MDGA2: variants seen among roughly 807,000 people sequenced by gnomAD.
MDGA2 encodes MAM domain containing glycosylphosphatidylinositol anchor 2, also known as MAM domain-containing glycosylphosphatidylinositol anchor protein 2.
In MDGA2, 40 loss-of-function variants were observed where a neutral mutation model predicts 117.8. The ratio of observed to expected loss-of-function variants is 0.34; its 90% CI spans 0.26 to 0.44. The LOEUF (loss-of-function observed/expected upper bound fraction) is 0.44. MDGA2 is among the 20% of genes least tolerant of loss of function. MDGA2 has a pLI of 1.00. For missense variants in MDGA2, 1,123 were observed against 1,250.6 expected (o/e 0.90, Z 1.54); for synonymous variants, 452 against 439.0 (o/e 1.03, Z -0.37).
At position 46,947,834 on chromosome 14, in the gene MDGA2, AT is replaced by A. The variant is rs763148672; in HGVS notation, c.2089+9539del. On this transcript the variant is annotated intron_variant, in intron 9 of 16. Coordinates refer to ENST00000399232, the MANE Select transcript of MDGA2 (RefSeq NM_001113498.3). ...ATACAGTCGTCCTTTTTACTTTCTA[AT>A]TTAAAAAAAAAATCTCAGTTATTAT... 9.9e-5 allele frequency among the ~76,000 whole-genome samples: 15 copies of A among 150,932 alleles called. No individual in the cohort carries two copies. The East Asian group carries it at 1.4e-3, about 14-fold the overall frequency.
At chr14:46,864,071 C>T (rs1435963675) in intron 14 of MDGA2, among the ~76,000 whole-genome samples, 1 of 147,494 alleles carries the variant, frequency 6.8e-6, no homozygotes, top group African/African-American at 2.5e-5. Flanking sequence ...CCCCCTCCCC[C>T]CACCCCCCAC....
intron 1 of MDGA2, among the ~76,000 whole-genome samples, chr14:47,432,344 A>C (rs890941184): frequency 1.3e-5 from 2 of 152,138 alleles, no homozygotes; most frequent in Non-Finnish European, 2.9e-5. Context: ...CTTGTCTAGC[A>C]GTTGAAATGT....
chr14:47,652,188 GTTATCAAATATAA>G (rs757301765), intron 1 of MDGA2, among the ~76,000 whole-genome samples: 1 of 152,138 alleles, frequency 6.6e-6, no homozygotes, highest in Non-Finnish European at 1.5e-5. Context: ...AGAAGCATTA[GTTATCAAATATAA>G]TTATCTGCTA....
intron 8 of MDGA2, among the ~76,000 whole-genome samples, chr14:47,011,144 C>T (rs1444397163): frequency 6.6e-6 from 1 of 151,802 alleles, no homozygotes; most frequent in East Asian, 1.9e-4. Context: ...AAAAGTAGAA[C>T]AATTGCAAAC....
intron 3 of MDGA2, among the ~76,000 whole-genome samples, chr14:47,165,991 T>A (rs1883856061): frequency 6.6e-6 from 1 of 152,024 alleles, no homozygotes; most frequent in Non-Finnish European, 1.5e-5. Context: ...TACACCCTTT[T>A]CTGTGTTTTG....
At chr14:47,655,578 T>A (rs1300490480) in intron 1 of MDGA2, among the ~76,000 whole-genome samples, 2 of 151,850 alleles carry the variant, frequency 1.3e-5, no homozygotes, top group Non-Finnish European at 1.5e-5. Flanking sequence ...GTTGTAGGAG[T>A]CTATGGCCTG....
rs190359956 is a variant in MDGA2, at chr14:47,377,566, T to A, written c.281-76016A>T. Among the ~76,000 whole-genome samples the A allele has an allele frequency of 3.7e-3, 566 of 152,208 alleles. 2 individuals are homozygous for A. The highest frequency in any genetic ancestry group is 6.9e-3 in the Non-Finnish European group (467 of 68,008). ...GCAAACGGCACACCAGGAGATTATA[T>A]CCCATGCATGGCTTTGAGGGTCCCA... On this transcript the variant is annotated intron_variant, in intron 1 of 16. Transcript: ENST00000399232.
chr14:47,036,735 T>A (rs1191762453), intron 7 of MDGA2, among the ~76,000 whole-genome samples: 1 of 152,232 alleles, frequency 6.6e-6, no homozygotes, highest in African/African-American at 2.4e-5. Context: ...AAACCAAACA[T>A]AATTATGTTT....
At chr14:47,471,104 G>A (rs1893716090) in intron 1 of MDGA2, among the ~76,000 whole-genome samples, 2 of 152,128 alleles carry the variant, frequency 1.3e-5, no homozygotes, top group Admixed American at 1.3e-4. Flanking sequence ...AATATTGTGA[G>A]TTGATAGTGC....
chr14:47,401,765 C>G (rs547793105), intron 1 of MDGA2, among the ~76,000 whole-genome samples: 9 of 152,284 alleles, frequency 5.9e-5, no homozygotes, highest in East Asian at 5.8e-4. Flanking sequence ...CCTGAAAGCT[C>G]TCTTATGGAA....
intron 3 of MDGA2, among the ~76,000 whole-genome samples, chr14:47,183,125 T>A (rs1258815753): frequency 6.6e-6 from 1 of 152,166 alleles, no homozygotes; most frequent in East Asian, 1.9e-4. Flanking sequence ...TTCCTCTGCA[T>A]ATGGGCTCAT....
chr14:47,370,392 CCT>C (rs1196263839), intron 1 of MDGA2, among the ~76,000 whole-genome samples: 1 of 146,336 alleles, frequency 6.8e-6, no homozygotes, highest in Non-Finnish European at 1.5e-5. Context: ...GTTACAAAAC[CCT>C]CTCTTATGAA....
chr14:47,012,494 T>C (rs1200159140), intron 8 of MDGA2, among the ~76,000 whole-genome samples: 4 of 152,160 alleles, frequency 2.6e-5, no homozygotes, highest in Non-Finnish European at 4.4e-5. Context: ...ATAAGCTTAG[T>C]TCCTAGGTTA....
At chr14:47,212,359 G>A (rs1594726323) in intron 3 of MDGA2, among the ~76,000 whole-genome samples, 1 of 152,086 alleles carries the variant, frequency 6.6e-6, no homozygotes, top group African/African-American at 2.4e-5. Flanking sequence ...AATTGGTTTT[G>A]ACTTCATGGA....
At chr14:47,389,614 A>ACCCC (rs33917670) in intron 1 of MDGA2, among the ~76,000 whole-genome samples, 2 of 147,588 alleles carry the variant, frequency 1.4e-5, no homozygotes, top group South Asian at 2.1e-4. Flanking sequence ...ACCCACACAC[A>ACCCC]CACACACACA....
intron 1 of MDGA2, among the ~76,000 whole-genome samples, chr14:47,588,196 T>C (rs1896362209): frequency 6.8e-6 from 1 of 147,966 alleles, no homozygotes; most frequent in Non-Finnish European, 1.5e-5. Context: ...ATATACAAAT[T>C]TTGTGTAAAA....
Position 46,918,165 on chromosome 14 carries a change from A to G in MDGA2, c.2238+1847T>C, listed in dbSNP as rs142697590. ...AAACTAAAGATACAATTATGACTCTATCTTTGCAAATAGACCTATAACCAG... is the reference window on the plus strand; with the variant it reads ...AAACTAAAGATACAATTATGACTCTGTCTTTGCAAATAGACCTATAACCAG... On this transcript the variant is annotated intron_variant, in intron 10 of 16. Transcript: ENST00000399232. 5.4e-3 allele frequency among the ~76,000 whole-genome samples: 829 copies of G among 152,314 alleles called. 11 individuals carry two copies. Among genetic ancestry groups the G allele is most frequent in the African/African-American group, 0.019 (801 of 41,570 alleles).
At chr14:47,175,795 G>A (rs1281236765) in intron 3 of MDGA2, among the ~76,000 whole-genome samples, 3 of 146,500 alleles carry the variant, frequency 2.0e-5, no homozygotes, top group African/African-American at 7.8e-5. Context: ...GGAAGTTCTG[G>A]TCAGGGCAAT....
chr14:47,354,853 T>A (rs1229904967), intron 1 of MDGA2, among the ~76,000 whole-genome samples: 1 of 144,390 alleles, frequency 6.9e-6, no homozygotes, highest in Non-Finnish European at 1.5e-5. Flanking sequence ...GTGAAGATAA[T>A]TTTTTTTTTC....
Sources: gnomAD v4.1 joint callset for allele counts (sites outside exome capture counted in the v4.1 genomes callset) on GRCh38, gnomAD v4.1.1 for gene constraint, MANE v1.5 for transcripts, NCBI Gene and HGNC (gene_info 2026-07-23, HGNC 2026-07-21) for gene names.